NAALADL2: variants seen among roughly 807,000 people sequenced by gnomAD.
The protein encoded by NAALADL2 is inactive N-acetylated-alpha-linked acidic dipeptidase-like protein 2.
In NAALADL2, 76 loss-of-function variants were observed where a neutral mutation model predicts 87.2. That is an observed-to-expected ratio of 0.87 (90% CI 0.72 to 1.05). NAALADL2 has a LOEUF of 1.05. Ranked by LOEUF, NAALADL2 falls within the 50% of genes least tolerant of loss-of-function variation. The pLI is 0.00. For synonymous variants in NAALADL2, 354 were observed against 331.0 expected (o/e 1.07, Z -0.75); for missense variants, 1,089 against 945.8 (o/e 1.15, Z -1.99).
intron 2 of NAALADL2, among the ~76,000 whole-genome samples, chr3:175,226,693 A>G (rs1360931093): frequency 6.6e-6 from 1 of 152,104 alleles, no homozygotes; most frequent in Non-Finnish European, 1.5e-5. Context: ...TGTAGTTACT[A>G]TGTTATTTTA....
chr3:175,805,798 A>C lies in NAALADL2; in HGVS notation c.*2595A>C, dbSNP rs903767476. ...AAATGTGGTAAAGGTGTAACGGTGA[A>C]ATTTATGTTCAGGCAGGGTACACAT... On this transcript the variant is annotated 3_prime_UTR_variant, in exon 14 of 14. Coordinates refer to ENST00000454872, the MANE Select transcript of NAALADL2 (RefSeq NM_207015.3). The C allele has an allele frequency of 4.0e-5, 6 of 151,852 alleles. No individual in the cohort carries two copies. Among genetic ancestry groups the C allele is most frequent in the African/African-American group, 1.4e-4 (6 of 41,402 alleles). 9.4% of individuals were successfully genotyped at this position (151,852 alleles called of 1,614,324 possible). A position where few individuals can be genotyped will look rare whatever the true frequency, so the allele number is the denominator to read the frequency against.
intron 3 of NAALADL2, among the ~76,000 whole-genome samples, chr3:174,829,812 C>T (rs1338020799): frequency 2.2e-5 from 3 of 139,210 alleles, no homozygotes; most frequent in South Asian, 2.2e-4. Flanking sequence ...GCCATTCTAA[C>T]TGGTGTGAGA....
At chr3:175,025,300 G>T (rs2108883990) in intron 1 of NAALADL2, among the ~76,000 whole-genome samples, 1 of 152,148 alleles carries the variant, frequency 6.6e-6, no homozygotes, top group South Asian at 2.1e-4. Context: ...GGGTAAAACT[G>T]GTCAGCACTG....
At chr3:175,002,127 A>T (rs1381098667) in intron 1 of NAALADL2, among the ~76,000 whole-genome samples, 1 of 152,176 alleles carries the variant, frequency 6.6e-6, no homozygotes, top group Non-Finnish European at 1.5e-5. Flanking sequence ...TACCTAAAAA[A>T]AATTTAGGTA....
intron 4 of NAALADL2, among the ~76,000 whole-genome samples, chr3:175,258,808 T>C (rs1214960993): frequency 2.6e-5 from 4 of 152,060 alleles, no homozygotes; most frequent in Non-Finnish European, 5.9e-5. Context: ...AGGTAAGAGA[T>C]GGGTTTACTA....
chr3:174,667,980 C>T (rs1429019717), intron 2 of NAALADL2, among the ~76,000 whole-genome samples: 1 of 151,876 alleles, frequency 6.6e-6, no homozygotes, highest in African/African-American at 2.4e-5. Flanking sequence ...TTTTATAATC[C>T]TGCCAGCAAT....
intron 5 of NAALADL2, among the ~76,000 whole-genome samples, chr3:175,425,351 C>T (rs1242868581): frequency 1.3e-5 from 2 of 152,130 alleles, no homozygotes; most frequent in African/African-American, 2.4e-5. Context: ...TAACCTTATG[C>T]CCTTTCTACT....
chr3:174,844,089 C>G (rs984283120), intron 3 of NAALADL2, among the ~76,000 whole-genome samples: 1 of 152,108 alleles, frequency 6.6e-6, no homozygotes, highest in African/African-American at 2.4e-5. Flanking sequence ...AAAATCTTTG[C>G]CCAGCCCCAA....
chr3:175,442,322 T>A (rs1335549613), intron 5 of NAALADL2, among the ~76,000 whole-genome samples: 1 of 151,962 alleles, frequency 6.6e-6, no homozygotes, highest in Admixed American at 6.6e-5. Flanking sequence ...TACTGGTTAC[T>A]AACAGAGCAT....
chr3:175,688,397 C>T (rs746432435), intron 11 of NAALADL2, among the ~76,000 whole-genome samples: 18 of 152,068 alleles, frequency 1.2e-4, no homozygotes, highest in Non-Finnish European at 2.6e-4. Context: ...TTATCAGGAG[C>T]TCAGGTGAGC....
intron 13 of NAALADL2, among the ~76,000 whole-genome samples, chr3:175,763,018 A>C (rs1321757055): frequency 6.6e-6 from 1 of 152,116 alleles, no homozygotes; most frequent in Non-Finnish European, 1.5e-5. Flanking sequence ...CAGGAGGCGG[A>C]GCTTGCAGTG....
At chr3:175,722,688 G>A (rs763950542) in intron 11 of NAALADL2, among the ~76,000 whole-genome samples, 1 of 152,002 alleles carries the variant, frequency 6.6e-6, no homozygotes, top group Non-Finnish European at 1.5e-5. Flanking sequence ...GCCTCAATCT[G>A]TATCATTACC....
At chr3:175,645,278 A>T (rs115563947) in intron 11 of NAALADL2, among the ~76,000 whole-genome samples, 1 of 152,170 alleles carries the variant, frequency 6.6e-6, no homozygotes, top group Non-Finnish European at 1.5e-5. Context: ...CACAGAGCGA[A>T]TCTTTACTAA....
At chr3:175,320,865 G>T (rs1026215179) in intron 4 of NAALADL2, among the ~76,000 whole-genome samples, 1 of 149,010 alleles carries the variant, frequency 6.7e-6, no homozygotes, top group Non-Finnish European at 1.5e-5. Context: ...ACCAAAAAGA[G>T]TCCAGGACCA....
intron 6 of NAALADL2, 129 bp from the exon 7 acceptor site, chr3:175,463,272 C>A: frequency 1.7e-6 from 1 of 580,224 alleles, no homozygotes; most frequent in Non-Finnish European, 3.0e-6. Flanking sequence ...AAAAGTATAA[C>A]TGGCTATCTG....
chr3:175,455,999 T>A (rs1338652479), intron 6 of NAALADL2, among the ~76,000 whole-genome samples: 1 of 152,076 alleles, frequency 6.6e-6, no homozygotes, highest in African/African-American at 2.4e-5. Flanking sequence ...AACAAATGCT[T>A]ACTTATTGGA....
chr3:175,052,711 A>G (rs1755578069), intron 1 of NAALADL2, among the ~76,000 whole-genome samples: 1 of 152,138 alleles, frequency 6.6e-6, no homozygotes, highest in African/African-American at 2.4e-5. Flanking sequence ...AAGTTTGTAG[A>G]GTGTCCTTCT....
chr3:174,975,454 T>A (rs73881578), intron 1 of NAALADL2, among the ~76,000 whole-genome samples: 6 of 152,132 alleles, frequency 3.9e-5, no homozygotes, highest in African/African-American at 1.4e-4. Context: ...CTGGTGTGCA[T>A]ACCTTGTATA....
chr3:175,425,414 G>A (rs1041815669), intron 5 of NAALADL2, among the ~76,000 whole-genome samples: 19 of 151,958 alleles, frequency 1.3e-4, no homozygotes, highest in African/African-American at 2.4e-4. Flanking sequence ...GCTTTCTGAA[G>A]TTATAAAATA....
Sources: allele counts gnomAD v4.1 joint callset (sites outside exome capture counted in the v4.1 genomes callset), GRCh38; gene constraint gnomAD v4.1.1; transcripts MANE v1.5; gene names NCBI Gene and HGNC (gene_info 2026-07-23, HGNC 2026-07-21).